EPB42: variants seen among roughly 807,000 people sequenced by gnomAD.
EPB42 encodes the protein protein 4.2.
In EPB42, 49 loss-of-function variants were observed where a neutral mutation model predicts 76.9. The observed-to-expected ratio is 0.64, with a 90% CI of 0.51 to 0.81. The LOEUF (loss-of-function observed/expected upper bound fraction) is 0.81. EPB42 is among the 30% of genes least tolerant of loss of function. EPB42 has a pLI of 0.00. For synonymous variants in EPB42, 310 were observed against 338.4 expected, an observed-to-expected ratio of 0.92 and a Z score of 0.92; for missense variants, 731 against 867.6, an observed-to-expected ratio of 0.84 and a Z score of 1.98.
chr15:43,218,513 C>T (rs2042411177), intron 1 of EPB42, among the ~76,000 whole-genome samples: 1 of 152,174 alleles, frequency 6.6e-6, no homozygotes, highest in Admixed American at 6.5e-5. Context: ...AGCACTTATC[C>T]CATTTGATAC....
chr15:43,221,035 T>C (rs1320543554), upstream of EPB42: 2 of 607,192 alleles, frequency 3.3e-6, no homozygotes, highest in East Asian at 2.9e-5. Context: ...TCTCTGCTGG[T>C]ATCTCCTGGA....
intron 11 of EPB42, among the ~76,000 whole-genome samples, 164 bp downstream of exon 11, chr15:43,202,951 G>A (rs1021409592): frequency 3.3e-5 from 5 of 152,114 alleles, no homozygotes; most frequent in African/African-American, 7.2e-5. Flanking sequence ...ACCTTAATAG[G>A]GCATGTAAGA....
upstream of EPB42, among the ~76,000 whole-genome samples, chr15:43,224,265 C>T (rs1276069137): frequency 1.3e-5 from 2 of 152,132 alleles, no homozygotes; most frequent in Admixed American, 1.3e-4. Flanking sequence ...GATTGAAGCC[C>T]ATTCTTATGA....
chr15:43,206,237 T>C lies in EPB42; in HGVS notation c.1618+93A>G, dbSNP rs1263973371. The C allele has an allele frequency of 1.5e-6, 2 of 1,355,704 alleles. No individual in the cohort carries two copies. The highest frequency in any genetic ancestry group is 2.3e-5 in the Admixed American group (1 of 42,590). The allele number at this position is 1,355,704 out of a possible 1,614,324, so 84.0% of individuals were successfully genotyped here. On this transcript the variant is annotated intron_variant, in intron 10 of 12. Coordinates refer to ENST00000441366, the MANE Select transcript of EPB42 (RefSeq NM_001114134.2). The surrounding 1 kb of genome is among the most constrained non-coding windows in gnomAD (Gnocchi z 4.7). ...GGGGCTCAAAGCCATCTCTAGAGAC[T>C]GCAGGGGGTGCCCTGTGGCTGCTGC...
chr15:43,206,666 G>A lies in EPB42; in HGVS notation c.1319-37C>T, dbSNP rs763717559. The A allele has an allele frequency of 4.6e-5, 74 of 1,611,580 alleles. No individual in the cohort carries two copies. The East Asian group carries it at 1.4e-3, about 30-fold the overall frequency. On this transcript the variant is annotated intron_variant, in intron 9 of 12. Transcript: ENST00000441366. This position sits in a 1 kb window ranked among gnomAD's most constrained non-coding sequence, Gnocchi z 4.7. Reference sequence around the variant, plus strand: ...AAGAAACAAAGCTGACCTTTTACCCGGGTGGTATAAATGCTTCTAATAAAA... The same window carrying A: ...AAGAAACAAAGCTGACCTTTTACCCAGGTGGTATAAATGCTTCTAATAAAA...
intron 9 of EPB42, 111 bp downstream of exon 9, chr15:43,207,088 T>C: frequency 3.3e-6 from 5 of 1,516,148 alleles, no homozygotes; most frequent in Middle Eastern, 2.3e-4. Context: ...CCCTGTTTTA[T>C]ATGATGCGGA....
At chr15:43,219,505 T>C (rs990860350) in intron 1 of EPB42, among the ~76,000 whole-genome samples, 1 of 152,180 alleles carries the variant, frequency 6.6e-6, no homozygotes, top group Non-Finnish European at 1.5e-5. Flanking sequence ...TCTCATCTGG[T>C]GGCTACTGGG....
At position 43,209,342 on chromosome 15, in the gene EPB42, C is replaced by T; in HGVS notation, c.764G>A (p.Trp255Ter). ...RRGSVPILRQ[W>*]LTGRGRPVYD... ...CACAGGTCGGCCTCGGCCGGTGAGCCACTGCCGCAGGATGGGCACGCTGCC... is the reference window on the plus strand; with the variant it reads ...CACAGGTCGGCCTCGGCCGGTGAGCTACTGCCGCAGGATGGGCACGCTGCC... The change falls in exon 6 of 13, where the codon TGG (tryptophan) becomes TAG (stop). Residue 255 changes from tryptophan to a stop codon, truncating the protein, a stop_gained. Transcript: ENST00000441366. LOFTEE classifies it high-confidence loss of function. 6.2e-7 allele frequency: 1 copy of T among 1,614,138 alleles called. No homozygotes were observed. Among genetic ancestry groups the T allele is most frequent in the Non-Finnish European group, 8.5e-7 (1 of 1,180,034 alleles).
chr15:43,220,915 C>G lies in EPB42; in HGVS notation c.-90G>C. 8.0e-7 allele frequency: 1 copy of G among 1,255,696 alleles called. No homozygotes were observed. The highest frequency in any genetic ancestry group is 1.2e-6 in the Non-Finnish European group (1 of 867,052). 77.8% of individuals were successfully genotyped at this position (1,255,696 alleles called of 1,614,324 possible). A position where few individuals can be genotyped will look rare whatever the true frequency, so the allele number is the denominator to read the frequency against. On this transcript the variant is annotated 5_prime_UTR_variant, in exon 1 of 13. Transcript: ENST00000441366. Reference sequence around the variant, plus strand: ...GGGCTCCTTCTGGGCTTTCTGTCTTCCAGACAGAAAATATGAAGGCACTTT... The same window carrying G: ...GGGCTCCTTCTGGGCTTTCTGTCTTGCAGACAGAAAATATGAAGGCACTTT...
chr15:43,201,916 A>G lies in EPB42; in HGVS notation c.1841T>C (p.Leu614Pro). 1 of 1,614,116 alleles carries G rather than the reference A, an allele frequency of 6.2e-7. No individual in the cohort carries two copies. Among genetic ancestry groups the G allele is most frequent in the Non-Finnish European group, 8.5e-7 (1 of 1,180,006 alleles). ...CACACAGTCCTCCATGGGGGCATCT[A>G]GGGAGTTCTGGAGGCTGACTGAGGC... ...LTASVSLQNS[L>P]DAPMEDCVIS... The change falls in exon 12 of 13, where the codon CTA (leucine) becomes CCA (proline). Residue 614 changes from leucine to proline, a missense_variant. By Grantham distance (98) the Leu-to-Pro change is moderately conservative (BLOSUM62 -3). Transcript: ENST00000441366.
At chr15:43,213,795 T>G (rs1023390176) in intron 3 of EPB42, among the ~76,000 whole-genome samples, 3 of 152,226 alleles carry the variant, frequency 2.0e-5, no homozygotes, top group African/African-American at 7.2e-5. Flanking sequence ...CTGATCCACC[T>G]GCCTGCGCCC....
upstream of EPB42, among the ~76,000 whole-genome samples, chr15:43,221,842 A>T (rs1287397867): frequency 6.6e-6 from 1 of 151,600 alleles, no homozygotes; most frequent in African/African-American, 2.4e-5. Context: ...AAAAAAAAAA[A>T]AAATGAAACT....
intron 2 of EPB42, 108 bp from the exon 3 acceptor site, chr15:43,215,436 G>A (rs184048992): frequency 2.1e-5 from 25 of 1,209,206 alleles, no homozygotes; most frequent in Non-Finnish European, 2.9e-5. Flanking sequence ...GTTTTTGGAG[G>A]ATAATGAAAG....
chr15:43,206,635 G>T lies in EPB42; in HGVS notation c.1319-6C>A. 6.2e-7 allele frequency: 1 copy of T among 1,614,162 alleles called. No individual in the cohort carries two copies. Among genetic ancestry groups the T allele is most frequent in the Non-Finnish European group, 8.5e-7 (1 of 1,180,026 alleles). ...CTCTTTTTCCTGAAGAGACCCTGGA[G>T]AAGGGAAGAAACAAAGCTGACCTTT... is the stretch of plus-strand genomic sequence containing the variant. On this transcript the variant is annotated splice_polypyrimidine_tract_variant and splice_region_variant and intron_variant, in intron 9 of 12. Coordinates refer to ENST00000441366, the MANE Select transcript of EPB42 (RefSeq NM_001114134.2). The surrounding 1 kb of genome is among the most constrained non-coding windows in gnomAD (Gnocchi z 4.7).
chr15:43,215,108 G>A lies in EPB42; in HGVS notation c.417C>T (p.Asn139=), dbSNP rs1197358075. Residue 139 remains asparagine, a synonymous_variant, in exon 3 of 13, where the codon AAC becomes AAT. Coordinates refer to ENST00000441366, the MANE Select transcript of EPB42 (RefSeq NM_001114134.2). The part of the protein sequence containing the change: ...LLLGQFTLLF[N]PWNREDAVFL... ...GTCCAAACTTACCTCTATTCCAGGG[G>A]TTAAAAAGCAGTGTGAACTGACCCA... is the stretch of plus-strand genomic sequence containing the variant. 2 of 1,614,022 alleles carry A rather than the reference G, an allele frequency of 1.2e-6. No individual in the cohort carries two copies. The highest frequency in any genetic ancestry group is 1.7e-6 in the Non-Finnish European group (2 of 1,180,004).
rs774191274 is a variant in EPB42, at chr15:43,209,315, T to C, written c.791A>G (p.Tyr264Cys). 1.2e-6 allele frequency: 2 copies of C among 1,614,094 alleles called. No individual in the cohort carries two copies. Among genetic ancestry groups the C allele is most frequent in the South Asian group, 1.1e-5 (1 of 91,088 alleles). ...QWLTGRGRPV[Y>C]DGQAWVLAAV... ...AGCCAACACCCAGGCCTGGCCATCA[T>C]ACACAGGTCGGCCTCGGCCGGTGAG... Residue 264 changes from tyrosine (Y) to cysteine (C), a missense_variant, in exon 6 of 13, where the codon TAT becomes TGT. Coordinates refer to ENST00000441366, the MANE Select transcript of EPB42 (RefSeq NM_001114134.2).
upstream of EPB42, among the ~76,000 whole-genome samples, chr15:43,223,884 A>G (rs114565389): frequency 0.047 from 7,206 of 152,226 alleles, 569 homozygotes; most frequent in African/African-American, 0.16. Flanking sequence ...TGAGACATGA[A>G]AATCGCTTGA....
intron 4 of EPB42, 47 bp from the exon 5 acceptor site, chr15:43,210,486 C>T (rs767794191): frequency 6.4e-7 from 1 of 1,570,056 alleles, no homozygotes; most frequent in South Asian, 1.1e-5. Flanking sequence ...CCACACAGGG[C>T]CATGAGGAAG....
intron 9 of EPB42, 67 bp downstream of exon 9, chr15:43,207,132 G>GC: frequency 6.2e-7 from 1 of 1,607,142 alleles, no homozygotes; most frequent in Non-Finnish European, 8.5e-7. Flanking sequence ...CATCTACCAG[G>GC]CCCATCCCTT....
Sources: gnomAD v4.1 joint callset for allele counts (sites outside exome capture counted in the v4.1 genomes callset) on GRCh38, gnomAD v4.1.1 for gene constraint, Gnocchi (gnomAD v3.1) non-coding constraint, MANE v1.5 for transcripts, NCBI Gene and HGNC (gene_info 2026-07-23, HGNC 2026-07-21) for gene names.